The following MGAT4C variants were observed in gnomAD, a reference collection of about 807,000 sequenced individuals.
MGAT4C encodes the protein alpha-1,3-mannosyl-glycoprotein 4-beta-N-acetylglucosaminyltransferase C.
MGAT4C carries 19 observed loss-of-function variants against 40.1 expected under a neutral mutation model. The observed-to-expected ratio is 0.47, with a 90% confidence interval of 0.33 to 0.70. The LOEUF (loss-of-function observed/expected upper bound fraction) is 0.70. Ranked by LOEUF, MGAT4C falls within the 30% of genes least tolerant of loss-of-function variation. The probability of loss-of-function intolerance (pLI) is 0.02; values close to 1 mark genes in which losing one functional copy is unlikely to be tolerated. For synonymous variants in MGAT4C, 181 were observed against 187.1 expected (o/e 0.97, Z 0.27); for missense variants, 491 against 563.2 (o/e 0.87, Z 1.30).
Position 85,960,988 on chromosome 12 carries a change from T to TA in MGAT4C, c.*18300dup, listed in dbSNP as rs1319346904. On this transcript the variant is annotated 3_prime_UTR_variant, in exon 5 of 5. Transcript: ENST00000611864. ...GCATTTTTAAACAAGACAGTCAACT[T>TA]ACTATTTAAAAAACAAAGTCAGTCA... 6.6e-6 allele frequency: 1 copy of TA among 152,008 alleles called. No homozygotes were observed. Among genetic ancestry groups the TA allele is most frequent in the East Asian group, 1.9e-4 (1 of 5,198 alleles). 9.4% of individuals were successfully genotyped at this position (152,008 alleles called of 1,614,324 possible).
chr12:86,348,711 T>G (rs1341412524), intron 3 of MGAT4C, among the ~76,000 whole-genome samples: 1 of 152,114 alleles, frequency 6.6e-6, no homozygotes, highest in African/African-American at 2.4e-5. Flanking sequence ...TTTTTAGTTG[T>G]TTAATTTTTT....
At chr12:86,551,717 G>A (rs1343288699) in intron 2 of MGAT4C, among the ~76,000 whole-genome samples, 4 of 151,978 alleles carry the variant, frequency 2.6e-5, no homozygotes, top group Non-Finnish European at 5.9e-5. Flanking sequence ...GTGGACACAC[G>A]TACCCCCAAC....
intron 1 of MGAT4C, among the ~76,000 whole-genome samples, chr12:86,137,164 C>A (rs1882087471): frequency 6.6e-6 from 1 of 152,104 alleles, no homozygotes; most frequent in African/African-American, 2.4e-5. Flanking sequence ...TTTTCAGCAT[C>A]CCATTCATAT....
At chr12:86,240,649 C>A (rs1198269191) in intron 1 of MGAT4C, among the ~76,000 whole-genome samples, 1 of 151,930 alleles carries the variant, frequency 6.6e-6, no homozygotes, top group African/African-American at 2.4e-5. Flanking sequence ...TCCCTCCAGC[C>A]CCTCCCCTGA....
chr12:86,498,926 A>T (rs1421927772), intron 2 of MGAT4C, among the ~76,000 whole-genome samples: 1 of 151,986 alleles, frequency 6.6e-6, no homozygotes, highest in Non-Finnish European at 1.5e-5. Flanking sequence ...GACATTACAA[A>T]AAAAAGGTGA....
chr12:85,990,203 T>G (rs1340247646), intron 2 of MGAT4C, among the ~76,000 whole-genome samples: 2 of 152,090 alleles, frequency 1.3e-5, no homozygotes, highest in Non-Finnish European at 2.9e-5. Context: ...ACTTAGTAGT[T>G]TAGCTGTTTG....
intron 1 of MGAT4C, among the ~76,000 whole-genome samples, chr12:86,233,988 A>G (rs1951432504): frequency 6.6e-6 from 1 of 152,104 alleles, no homozygotes; most frequent in Admixed American, 6.6e-5. Flanking sequence ...AGAACTGGAT[A>G]TTTTATTCTC....
intron 2 of MGAT4C, among the ~76,000 whole-genome samples, chr12:86,504,602 A>G (rs1958436589): frequency 6.6e-6 from 1 of 152,192 alleles, no homozygotes; most frequent in Non-Finnish European, 1.5e-5. Context: ...TTCAGAATCC[A>G]ATCTCTTAAT....
At chr12:86,202,916 A>C (rs1047710053) in intron 1 of MGAT4C, among the ~76,000 whole-genome samples, 1 of 152,110 alleles carries the variant, frequency 6.6e-6, no homozygotes, top group Non-Finnish European at 1.5e-5. Flanking sequence ...ATATATTTTA[A>C]CAACTGTATT....
intron 2 of MGAT4C, among the ~76,000 whole-genome samples, chr12:86,588,502 A>G (rs1961169072): frequency 2.0e-5 from 3 of 152,018 alleles, no homozygotes; most frequent in Admixed American, 2.0e-4. Flanking sequence ...AACAAGACAG[A>G]AAGTTAACAA....
chr12:86,209,772 T>A (rs556823567), intron 1 of MGAT4C, among the ~76,000 whole-genome samples: 1 of 152,124 alleles, frequency 6.6e-6, no homozygotes, highest in Non-Finnish European at 1.5e-5. Flanking sequence ...GAAGGTAATT[T>A]TTTTCTTCTT....
At chr12:86,118,342 T>G in intron 1 of MGAT4C, among the ~76,000 whole-genome samples, 1 of 152,272 alleles carries the variant, frequency 6.6e-6, no homozygotes, top group Non-Finnish European at 1.5e-5. Context: ...CAAAAAATTC[T>G]GGGAGGGAGG....
At chr12:86,109,143 T>A (rs1184261496) in intron 1 of MGAT4C, among the ~76,000 whole-genome samples, 1 of 152,132 alleles carries the variant, frequency 6.6e-6, no homozygotes, top group East Asian at 1.9e-4. Flanking sequence ...ATTTGTCAAA[T>A]ACTCTTTCTA....
intron 3 of MGAT4C, among the ~76,000 whole-genome samples, chr12:86,405,394 C>T (rs1249684096): frequency 6.6e-6 from 1 of 151,846 alleles, no homozygotes; most frequent in Admixed American, 6.6e-5. Flanking sequence ...TAGAAACAGT[C>T]ATAAAAAATA....
intron 2 of MGAT4C, among the ~76,000 whole-genome samples, chr12:86,624,973 A>G (rs1411566159): frequency 6.6e-6 from 1 of 151,912 alleles, no homozygotes; most frequent in Non-Finnish European, 1.5e-5. Context: ...GTGTCCAGGG[A>G]GGGATCTGGT....
chr12:86,048,444 C>T (rs1892611950), intron 2 of MGAT4C, among the ~76,000 whole-genome samples: 1 of 151,698 alleles, frequency 6.6e-6, no homozygotes, highest in Admixed American at 6.6e-5. Context: ...AACAGACCTG[C>T]ACATGTACAT....
chr12:86,135,950 A>G (rs888631823), intron 1 of MGAT4C, among the ~76,000 whole-genome samples: 5 of 152,222 alleles, frequency 3.3e-5, no homozygotes, highest in African/African-American at 9.6e-5. Context: ...TAAACATGGA[A>G]AGATAAGAGA....
chr12:86,627,434 C>A (rs558039043), intron 2 of MGAT4C, among the ~76,000 whole-genome samples: 1 of 152,270 alleles, frequency 6.6e-6, no homozygotes, highest in African/African-American at 2.4e-5. Context: ...GGACCCTGAC[C>A]CCGTGTAGCC....
At chr12:86,595,308 A>G (rs1192212243) in intron 2 of MGAT4C, among the ~76,000 whole-genome samples, 6 of 152,090 alleles carry the variant, frequency 3.9e-5, no homozygotes, top group Non-Finnish European at 8.8e-5. Flanking sequence ...CTTTGGGAGG[A>G]TAACCTGAGG....
Sources: allele counts gnomAD v4.1 joint callset (sites outside exome capture counted in the v4.1 genomes callset), GRCh38; gene constraint gnomAD v4.1.1; transcripts MANE v1.5; gene names NCBI Gene and HGNC (gene_info 2026-07-23, HGNC 2026-07-21).